EDDM3A: variants seen among roughly 807,000 people sequenced by gnomAD.
EDDM3A encodes epididymal protein 3A, also known as epididymal secretory protein E3-alpha.
For missense variants in EDDM3A, 199 were observed against 177.4 expected, an observed-to-expected ratio of 1.12 and a Z score of -0.69; for synonymous variants, 75 against 60.4, an observed-to-expected ratio of 1.24 and a Z score of -1.12.
the EDDM3A span, among the ~76,000 whole-genome samples, chr14:20,737,446 T>C: frequency 4.2e-3 from 645 of 152,228 alleles, 6 homozygotes; most frequent in African/African-American, 0.015. Flanking sequence ...TAGGCTGTCA[T>C]CTGTATGTAA....
chr14:20,748,160 G>A lies in EDDM3A; in HGVS notation c.*136G>A. ...TGTTTTCCAACTACTTAGAGTTTAT[G>A]TACCTCGTGATTTCTTGATACCAAA... On this transcript the variant is annotated 3_prime_UTR_variant, in exon 2 of 2. Transcript: ENST00000326842. The A allele has an allele frequency of 1.6e-6, 1 of 617,100 alleles. No homozygotes were observed. Among genetic ancestry groups the A allele is most frequent in the Non-Finnish European group, 2.8e-6 (1 of 360,440 alleles). 38.2% of individuals were successfully genotyped at this position (617,100 alleles called of 1,614,324 possible).
At chr14:20,742,396 G>A (rs900472660), upstream of EDDM3A, among the ~76,000 whole-genome samples, 3 of 152,144 alleles carry the variant, frequency 2.0e-5, no homozygotes, top group African/African-American at 4.8e-5. Flanking sequence ...GCTGGTCCTC[G>A]CGTAAGAAAT....
chr14:20,748,378 G>A lies in EDDM3A; in HGVS notation c.*354G>A, dbSNP rs978855292. The A allele has an allele frequency of 1.5e-5, 3 of 194,622 alleles. No individual in the cohort carries two copies. The highest frequency in any genetic ancestry group is 1.5e-4 in the South Asian group (1 of 6,730). The allele number at this position is 194,622 out of a possible 1,614,324, so 12.1% of individuals were successfully genotyped here. ...CTTAAATAAAATATATTATTCTAAC[G>A]TATGTGACGCTTATATATGTTATGT... On this transcript the variant is annotated 3_prime_UTR_variant, in exon 2 of 2. Transcript: ENST00000326842.
upstream of EDDM3A, among the ~76,000 whole-genome samples, chr14:20,743,627 C>T (rs1009132193): frequency 3.4e-5 from 5 of 148,234 alleles, no homozygotes; most frequent in South Asian, 4.2e-4. Context: ...ACATAATTTT[C>T]AAGTGATTTA....
chr14:20,736,137 T>TCTCA, the EDDM3A span, among the ~76,000 whole-genome samples: 1 of 147,304 alleles, frequency 6.8e-6, no homozygotes. Context: ...TGAGACAGAG[T>TCTCA]CTCACTCTGT....
chr14:20,741,075 CTA>C (rs1877422390), upstream of EDDM3A, among the ~76,000 whole-genome samples: 1 of 152,142 alleles, frequency 6.6e-6, no homozygotes, highest in Admixed American at 6.5e-5. Flanking sequence ...TTGTTCTCTT[CTA>C]TATTATTTTC....
Position 20,747,645 on chromosome 14 carries a change from G to A in EDDM3A, c.65G>A (p.Cys22Tyr), listed in dbSNP as rs1322614645. The A allele has an allele frequency of 1.2e-6, 2 of 1,614,136 alleles. No homozygotes were observed. Among genetic ancestry groups the A allele is most frequent in the African/African-American group, 1.3e-5 (1 of 75,036 alleles). The change falls in exon 2 of 2, where the codon TGT becomes TAT. Residue 22 changes from cysteine (C) to tyrosine (Y), a missense_variant. Coordinates refer to ENST00000326842, the MANE Select transcript of EDDM3A (RefSeq NM_006683.5). ...LALLCILCRLCVYSNNIYWRE... is the reference protein window; with the variant it reads ...LALLCILCRLYVYSNNIYWRE... ...CTGCTTTGCATCCTTTGCAGGCTGT[G>A]TGTATACAGTAACAACATTTACTGG...
chr14:20,744,473 G>A (rs1445959282), upstream of EDDM3A, among the ~76,000 whole-genome samples: 4 of 152,200 alleles, frequency 2.6e-5, no homozygotes, highest in African/African-American at 4.8e-5. Context: ...TTCATAAATC[G>A]TAACTTTGAC....
the EDDM3A span, among the ~76,000 whole-genome samples, chr14:20,738,383 A>G: frequency 6.6e-6 from 1 of 152,032 alleles, no homozygotes; most frequent in Non-Finnish European, 1.5e-5. Flanking sequence ...AGGCAGAATA[A>G]TCGCTTGAAT....
chr14:20,739,903 T>C, the EDDM3A span, among the ~76,000 whole-genome samples: 1 of 152,106 alleles, frequency 6.6e-6, no homozygotes, highest in Non-Finnish European at 1.5e-5. Flanking sequence ...GAATCGTGGG[T>C]CTTTTTTGCT....
At chr14:20,743,870 T>C (rs1277179753), upstream of EDDM3A, among the ~76,000 whole-genome samples, 1 of 152,206 alleles carries the variant, frequency 6.6e-6, no homozygotes, top group African/African-American at 2.4e-5. Flanking sequence ...ATTGGGTTTA[T>C]ATCCAAAAAG....
At chr14:20,737,657 C>T in the EDDM3A span, among the ~76,000 whole-genome samples, 14,349 of 152,134 alleles carry the variant, frequency 0.094, 813 homozygotes, top group East Asian at 0.23. Flanking sequence ...TAATCATGTT[C>T]GCTTGGCAGA....
chr14:20,746,524 G>A (rs919190231), intron 1 of EDDM3A, among the ~76,000 whole-genome samples: 11 of 152,150 alleles, frequency 7.2e-5, no homozygotes, highest in Non-Finnish European at 1.6e-4. Flanking sequence ...GTAGCTCTGC[G>A]GGGGACTGTT....
chr14:20,742,382 C>G (rs1877460275), upstream of EDDM3A, among the ~76,000 whole-genome samples: 1 of 152,212 alleles, frequency 6.6e-6, no homozygotes, highest in African/African-American at 2.4e-5. Flanking sequence ...ACTCAACAGA[C>G]CTTGCTGGTC....
At chr14:20,744,032 C>T (rs917180676), upstream of EDDM3A, among the ~76,000 whole-genome samples, 2 of 152,162 alleles carry the variant, frequency 1.3e-5, no homozygotes, top group African/African-American at 2.4e-5. Flanking sequence ...CACCTCTCTA[C>T]ATTCATTGAG....
chr14:20,740,871 A>G, the EDDM3A span, among the ~76,000 whole-genome samples: 1 of 140,270 alleles, frequency 7.1e-6, no homozygotes, highest in Non-Finnish European at 1.5e-5. Context: ...CAGAGGACCT[A>G]ATTTGGCCAG....
upstream of EDDM3A, among the ~76,000 whole-genome samples, chr14:20,742,690 A>T (rs1236444467): frequency 1.3e-5 from 2 of 152,060 alleles, no homozygotes; most frequent in Non-Finnish European, 1.5e-5. Context: ...AAGCTCAAGC[A>T]ATCTTCCTGC....
chr14:20,737,699 T>C, the EDDM3A span, among the ~76,000 whole-genome samples: 3 of 152,162 alleles, frequency 2.0e-5, no homozygotes, highest in African/African-American at 7.2e-5. Flanking sequence ...GACTTTAAAA[T>C]ACAATGGTCC....
Position 20,747,873 on chromosome 14 carries a change from G to C in EDDM3A, c.293G>C (p.Gly98Ala). Reference protein sequence around the residue: ...RYRNAYVWAPGALKVLECHWE... With the variant: ...RYRNAYVWAPAALKVLECHWE... Reference sequence around the variant, plus strand: ...AGAAATGCATATGTATGGGCCCCAGGTGCCCTCAAAGTACTCGAGTGTCAC... The same window carrying C: ...AGAAATGCATATGTATGGGCCCCAGCTGCCCTCAAAGTACTCGAGTGTCAC... The change falls in exon 2 of 2, where the codon GGT (glycine) becomes GCT (alanine). Residue 98 changes from glycine (G) to alanine (A), a missense_variant. Physicochemically the swap from Gly to Ala is moderately conservative, Grantham distance 60 (BLOSUM62 0). Transcript: ENST00000326842. 1 of 1,614,088 alleles carries C rather than the reference G, an allele frequency of 6.2e-7. No homozygotes were observed. Among genetic ancestry groups the C allele is most frequent in the Non-Finnish European group, 8.5e-7 (1 of 1,180,006 alleles).
Sources: gnomAD v4.1 joint callset for allele counts (sites outside exome capture counted in the v4.1 genomes callset) on GRCh38, gnomAD v4.1.1 for gene constraint, MANE v1.5 for transcripts, NCBI Gene and HGNC (gene_info 2026-07-23, HGNC 2026-07-21) for gene names.